Variants in MARCHF1 observed in about 807,000 individuals in gnomAD.
MARCHF1 encodes the protein E3 ubiquitin-protein ligase MARCHF1.
Under a neutral mutation model 54.2 loss-of-function variants are expected in MARCHF1, and 40 were observed. The ratio of observed to expected loss-of-function variants is 0.74; its 90% CI spans 0.57 to 0.96. The LOEUF (loss-of-function observed/expected upper bound fraction) is 0.96, where lower values mean the gene tolerates loss of function less well. MARCHF1 is among the 40% of genes least tolerant of loss of function. MARCHF1 has a pLI of 0.00. For synonymous variants in MARCHF1, 236 were observed against 236.3 expected, an observed-to-expected ratio of 1.00 and a Z score of 0.01; for missense variants, 586 against 656.5, an observed-to-expected ratio of 0.89 and a Z score of 1.17.
At chr4:163,887,392 G>C (rs565100251) in intron 3 of MARCHF1, among the ~76,000 whole-genome samples, 1 of 152,128 alleles carries the variant, frequency 6.6e-6, no homozygotes, top group South Asian at 2.1e-4. Flanking sequence ...TCCTGAACTG[G>C]CAAAGAATTT....
At chr4:163,610,708 T>C (rs1328582490) in intron 7 of MARCHF1, among the ~76,000 whole-genome samples, 1 of 152,084 alleles carries the variant, frequency 6.6e-6, no homozygotes, top group Non-Finnish European at 1.5e-5. Context: ...GAAATTTACA[T>C]TTATAGGTAA....
chr4:163,596,266 C>G (rs1056180988), intron 7 of MARCHF1, among the ~76,000 whole-genome samples: 1 of 151,900 alleles, frequency 6.6e-6, no homozygotes, highest in African/African-American at 2.4e-5. Flanking sequence ...ATTGGCTGGG[C>G]GCCGATGGCT....
intron 2 of MARCHF1, among the ~76,000 whole-genome samples, chr4:164,060,537 T>G (rs2111066498): frequency 6.6e-6 from 1 of 152,238 alleles, no homozygotes; most frequent in South Asian, 2.1e-4. Flanking sequence ...TACAAGTATT[T>G]TATGACTAAA....
chr4:164,320,808 G>C (rs1214650989), intron 1 of MARCHF1, among the ~76,000 whole-genome samples: 1 of 151,968 alleles, frequency 6.6e-6, no homozygotes, highest in Non-Finnish European at 1.5e-5. Context: ...GGGGGGAGTG[G>C]GGCTGGGGGG....
intron 4 of MARCHF1, among the ~76,000 whole-genome samples, chr4:163,749,558 T>G (rs1746458750): frequency 6.6e-6 from 1 of 152,174 alleles, no homozygotes; most frequent in South Asian, 2.1e-4. Flanking sequence ...CAGCTGTAAC[T>G]ATTTGTAGAT....
At chr4:164,109,642 C>T (rs1323662281) in intron 2 of MARCHF1, among the ~76,000 whole-genome samples, 1 of 151,638 alleles carries the variant, frequency 6.6e-6, no homozygotes, top group African/African-American at 2.4e-5. Flanking sequence ...GACTCAACCA[C>T]AAACATTCAG....
chr4:164,220,766 GAT>G (rs1005414368), intron 1 of MARCHF1, among the ~76,000 whole-genome samples: 12 of 135,002 alleles, frequency 8.9e-5, no homozygotes, highest in Non-Finnish European at 9.8e-5. Flanking sequence ...TAATATATAT[GAT>G]ATATTTTTTT....
intron 1 of MARCHF1, among the ~76,000 whole-genome samples, chr4:164,167,824 A>G (rs941548100): frequency 1.3e-5 from 2 of 151,930 alleles, no homozygotes; most frequent in African/African-American, 4.8e-5. Flanking sequence ...AAACTCCTAG[A>G]AGAGAACATA....
At chr4:164,016,201 G>A (rs773499224) in intron 2 of MARCHF1, among the ~76,000 whole-genome samples, 45 of 152,160 alleles carry the variant, frequency 3.0e-4, no homozygotes, top group Non-Finnish European at 7.4e-5. Context: ...TATGGCTGGG[G>A]AGGCCTCAGG....
intron 4 of MARCHF1, among the ~76,000 whole-genome samples, chr4:163,759,633 G>T (rs1389704): frequency 0.44 from 67,316 of 152,002 alleles, 14,923 homozygotes; most frequent in Admixed American, 0.48. Context: ...AAATGAACTT[G>T]GCATAATCAA....
intron 1 of MARCHF1, among the ~76,000 whole-genome samples, chr4:164,259,745 T>C (rs1008907318): frequency 3.9e-5 from 6 of 152,072 alleles, no homozygotes; most frequent in African/African-American, 1.2e-4. Context: ...TTGAAATAGG[T>C]GTATGACACA....
intron 5 of MARCHF1, among the ~76,000 whole-genome samples, chr4:163,639,947 T>C (rs1277559786): frequency 6.6e-6 from 1 of 152,126 alleles, no homozygotes; most frequent in Non-Finnish European, 1.5e-5. Flanking sequence ...TTCTTTGGAC[T>C]GATTCCAACT....
chr4:163,645,704 A>G (rs1022811820), intron 5 of MARCHF1, among the ~76,000 whole-genome samples: 4 of 152,224 alleles, frequency 2.6e-5, no homozygotes, highest in East Asian at 1.9e-4. Context: ...AAAAAACTCA[A>G]TAGAGAGCTT....
At chr4:163,719,907 T>A (rs1170302) in intron 4 of MARCHF1, among the ~76,000 whole-genome samples, 47,841 of 151,948 alleles carry the variant, frequency 0.31, 7,761 homozygotes, top group South Asian at 0.37. Context: ...GTTTGAGTTC[T>A]TTGTAGATTC....
intron 3 of MARCHF1, among the ~76,000 whole-genome samples, chr4:163,901,919 A>C (rs1395407329): frequency 6.6e-6 from 1 of 152,134 alleles, no homozygotes; most frequent in East Asian, 1.9e-4. Flanking sequence ...ATTAATATGA[A>C]ATAAACTCCA....
chr4:163,908,444 T>C (rs1751118868), intron 3 of MARCHF1, among the ~76,000 whole-genome samples: 1 of 152,180 alleles, frequency 6.6e-6, no homozygotes, highest in African/African-American at 2.4e-5. Context: ...AAGAATGCAT[T>C]AGATCTAAAA....
intron 1 of MARCHF1, among the ~76,000 whole-genome samples, chr4:164,362,185 T>G (rs999916627): frequency 6.6e-6 from 1 of 152,178 alleles, no homozygotes; most frequent in Non-Finnish European, 1.5e-5. Context: ...TTTTCTACAA[T>G]GATTAATATC....
chr4:164,161,289 G>T (rs1730227323), intron 1 of MARCHF1, among the ~76,000 whole-genome samples: 1 of 152,034 alleles, frequency 6.6e-6, no homozygotes, highest in Admixed American at 6.6e-5. Context: ...GGGTGTGCCT[G>T]CTCCCCCTTC....
intron 1 of MARCHF1, among the ~76,000 whole-genome samples, chr4:164,164,906 T>C (rs989305575): frequency 1.3e-5 from 2 of 151,980 alleles, no homozygotes; most frequent in African/African-American, 2.4e-5. Context: ...ATTCCTTCTC[T>C]CCCTGACCCA....
Sources: gnomAD v4.1 joint callset for allele counts (sites outside exome capture counted in the v4.1 genomes callset) on GRCh38, gnomAD v4.1.1 for gene constraint, MANE v1.5 for transcripts, NCBI Gene and HGNC (gene_info 2026-07-23, HGNC 2026-07-21) for gene names.